The following NRXN2 variants were observed in gnomAD, a reference collection of about 807,000 sequenced individuals.
NRXN2 encodes the protein neurexin-2-beta.
A neutral mutation model predicts 128.8 loss-of-function variants in NRXN2; 29 were observed. The ratio of observed to expected loss-of-function variants is 0.23; its 90% CI spans 0.17 to 0.31. The LOEUF (loss-of-function observed/expected upper bound fraction) is 0.31. Among genes scored for constraint, NRXN2 ranks in the 10% least tolerant of loss-of-function variants. The pLI is 1.00. For synonymous variants in NRXN2, 1,098 were observed against 1,075.2 expected, an observed-to-expected ratio of 1.02 and a Z score of -0.41; for missense variants, 1,881 against 2,452.6, an observed-to-expected ratio of 0.77 and a Z score of 4.92.
At chr11:64,654,543 A>G (rs901285360) in intron 11 of NRXN2, among the ~76,000 whole-genome samples, 1 of 152,174 alleles carries the variant, frequency 6.6e-6, no homozygotes, top group African/African-American at 2.4e-5. Flanking sequence ...CGGTCCTGGC[A>G]TTGCTATCCT....
intron 15 of NRXN2, among the ~76,000 whole-genome samples, chr11:64,649,719 G>A (rs2047199870): frequency 6.6e-6 from 1 of 152,146 alleles, no homozygotes; most frequent in African/African-American, 2.4e-5. Flanking sequence ...CTGACAGTAT[G>A]AGGCAGGCTG....
Position 64,622,631 on chromosome 11 carries a change from C to T in NRXN2, c.4173+122G>A. 1 of 1,388,128 alleles carries T rather than the reference C, an allele frequency of 7.2e-7. No homozygotes were observed. Among genetic ancestry groups the T allele is most frequent in the South Asian group, 1.4e-5 (1 of 72,968 alleles). The allele number at this position is 1,388,128 out of a possible 1,614,324, so 86.0% of individuals were successfully genotyped here. A position where few individuals can be genotyped will look rare whatever the true frequency, so the allele number is the denominator to read the frequency against. On this transcript the variant is annotated intron_variant, in intron 21 of 22. Coordinates refer to ENST00000265459, the MANE Select transcript of NRXN2 (RefSeq NM_015080.4). This position sits in a 1 kb window ranked among gnomAD's most constrained non-coding sequence, Gnocchi z 4.3. ...ATGGCAACAAAGTCAGCGACAGCAG[C>T]CTTCAGGATCCCAACAGACCCCTTG...
chr11:64,694,504 T>C (rs187346049), intron 3 of NRXN2, among the ~76,000 whole-genome samples: 73 of 152,270 alleles, frequency 4.8e-4, no homozygotes, highest in Non-Finnish European at 7.2e-4. Flanking sequence ...CTTTGCCCCA[T>C]GTCTCTAGGG....
rs775008130 is a variant in NRXN2, at chr11:64,607,940, C to A, written c.4395G>T (p.Pro1465=). 3.2e-6 allele frequency: 4 copies of A among 1,232,612 alleles called. No individual in the cohort carries two copies. The highest frequency in any genetic ancestry group is 2.8e-5 in the South Asian group (2 of 72,328). The allele number at this position is 1,232,612 out of a possible 1,614,324, so 76.4% of individuals were successfully genotyped here. Residue 1465 remains proline (P), a synonymous_variant, in exon 23 of 23, where the codon CCG becomes CCT. Coordinates refer to ENST00000265459, the MANE Select transcript of NRXN2 (RefSeq NM_015080.4). ...GVGATQDTLP[P]PAARRPPSGG... ...CAGAGGGCGGGCGGCGCGCGGCGGG[C>A]GGGGGCAGCGTGTCTTGGGTGGCGC...
chr11:64,715,984 G>C (rs1009021786), intron 1 of NRXN2, among the ~76,000 whole-genome samples: 1 of 151,860 alleles, frequency 6.6e-6, no homozygotes, highest in Admixed American at 6.5e-5. Flanking sequence ...CCTCAGGCAT[G>C]GGGGGAGGGA....
At chr11:64,665,425 G>A (rs1016033151) in intron 9 of NRXN2, among the ~76,000 whole-genome samples, 2 of 152,234 alleles carry the variant, frequency 1.3e-5, no homozygotes, top group African/African-American at 4.8e-5. Flanking sequence ...TGAAAGCACA[G>A]AGAAGTGGAA....
chr11:64,693,433 A>C (rs929885158), intron 3 of NRXN2, among the ~76,000 whole-genome samples: 1 of 151,668 alleles, frequency 6.6e-6, no homozygotes, highest in Non-Finnish European at 1.5e-5. Context: ...AGAGAGAGAG[A>C]GTGTCCTGTT....
chr11:64,705,193 A>G (rs1236301091), intron 2 of NRXN2, among the ~76,000 whole-genome samples: 2 of 152,164 alleles, frequency 1.3e-5, no homozygotes, highest in Middle Eastern at 3.2e-3. Context: ...AAATAGCCCA[A>G]ATAAACCAAA....
chr11:64,682,180 G>C (rs1405548550), intron 6 of NRXN2, among the ~76,000 whole-genome samples: 1 of 150,700 alleles, frequency 6.6e-6, no homozygotes, highest in African/African-American at 2.4e-5. Flanking sequence ...ATCCTTGGCA[G>C]ATTCCATCCT....
intron 1 of NRXN2, among the ~76,000 whole-genome samples, chr11:64,718,817 C>A (rs1472140934): frequency 5.9e-5 from 9 of 152,154 alleles, no homozygotes. Context: ...TTCCTTCCAG[C>A]CGTGATGATC....
At chr11:64,669,382 T>C (rs1328360896) in intron 7 of NRXN2, among the ~76,000 whole-genome samples, 1 of 152,214 alleles carries the variant, frequency 6.6e-6, no homozygotes, top group Non-Finnish European at 1.5e-5. Context: ...CCACTCTTCC[T>C]TCTTCCTGTC....
chr11:64,661,973 C>T (rs1250988040), intron 9 of NRXN2, among the ~76,000 whole-genome samples: 2 of 152,048 alleles, frequency 1.3e-5, no homozygotes, highest in Non-Finnish European at 2.9e-5. Flanking sequence ...GGGTGCTTGG[C>T]CGGGCATGGT....
intron 2 of NRXN2, among the ~76,000 whole-genome samples, chr11:64,709,142 A>AG (rs1190525338): frequency 6.7e-6 from 1 of 148,750 alleles, no homozygotes; most frequent in Non-Finnish European, 1.5e-5. Context: ...CAGTGAGCTG[A>AG]GATCGTGCCA....
chr11:64,608,494 CTTTT>C (rs58638827), intron 22 of NRXN2, among the ~76,000 whole-genome samples: 4 of 111,148 alleles, frequency 3.6e-5, no homozygotes, highest in Admixed American at 9.2e-5. Flanking sequence ...TCTTTTTTTG[CTTTT>C]TTTTTTTTTT....
intron 14 of NRXN2, among the ~76,000 whole-genome samples, chr11:64,650,930 G>C (rs2047373645): frequency 6.6e-6 from 1 of 152,190 alleles, no homozygotes; most frequent in African/African-American, 2.4e-5. Flanking sequence ...TCTGGAGGCA[G>C]GGACTGGGCT....
chr11:64,668,756 G>T, intron 7 of NRXN2, 152 bp from the exon 8 acceptor site: 1 of 803,838 alleles, frequency 1.2e-6, no homozygotes, highest in East Asian at 2.6e-5. Context: ...GGAACAGTGG[G>T]GGAAGAGAGG....
chr11:64,674,731 GAATCA>G (rs1400707093), intron 7 of NRXN2, among the ~76,000 whole-genome samples: 1 of 152,166 alleles, frequency 6.6e-6, no homozygotes, highest in Non-Finnish European at 1.5e-5. Context: ...CTAGGGAAGA[GAATCA>G]TTTCTTTACA....
At chr11:64,710,464 A>T (rs1191459081) in intron 2 of NRXN2, among the ~76,000 whole-genome samples, 1 of 152,102 alleles carries the variant, frequency 6.6e-6, no homozygotes, top group African/African-American at 2.4e-5. Context: ...TGGCCAATGA[A>T]TCCTCTCAGG....
At chr11:64,698,580 C>T (rs2054861576) in intron 2 of NRXN2, among the ~76,000 whole-genome samples, 2 of 152,220 alleles carry the variant, frequency 1.3e-5, no homozygotes, top group South Asian at 2.1e-4. Flanking sequence ...CTGGATGAGG[C>T]CAAGGGCCCC....
Sources: allele counts gnomAD v4.1 joint callset (sites outside exome capture counted in the v4.1 genomes callset), GRCh38; gene constraint gnomAD v4.1.1; non-coding constraint Gnocchi (gnomAD v3.1); transcripts MANE v1.5; gene names NCBI Gene and HGNC (gene_info 2026-07-23, HGNC 2026-07-21).